CNTN6: variants seen among roughly 807,000 people sequenced by gnomAD.
The protein encoded by CNTN6 is contactin-6.
A neutral mutation model predicts 122.8 loss-of-function variants in CNTN6; 137 were observed. That is an observed-to-expected ratio of 1.12 (90% CI 0.97 to 1.29). CNTN6 has a LOEUF of 1.29. CNTN6 is among the 50% of genes most tolerant of loss of function. The pLI is 0.00. For synonymous variants in CNTN6, 570 were observed against 426.0 expected (o/e 1.34, Z -4.16); for missense variants, 1,634 against 1,223.4 (o/e 1.34, Z -5.01).
intron 2 of CNTN6, among the ~76,000 whole-genome samples, chr3:1,194,882 T>C (rs1319465447): frequency 6.6e-6 from 1 of 152,086 alleles, no homozygotes; most frequent in Admixed American, 6.6e-5. Context: ...TCTGTACTTT[T>C]GATGCTTTGA....
At chr3:1,227,749 CAT>C (rs2094302396) in intron 3 of CNTN6, 67 bp from the exon 4 acceptor site, 1 of 1,485,854 alleles carries the variant, frequency 6.7e-7, no homozygotes, top group Admixed American at 1.9e-5. Flanking sequence ...ATTAGAACTA[CAT>C]GTTTTTTAAG....
intron 2 of CNTN6, among the ~76,000 whole-genome samples, chr3:1,153,143 C>A (rs572003013): frequency 3.3e-5 from 5 of 152,194 alleles, no homozygotes; most frequent in Admixed American, 1.3e-4. Context: ...TATGAAATTA[C>A]GGACTGAATA....
intron 1 of CNTN6, among the ~76,000 whole-genome samples, chr3:1,142,010 G>C (rs1240029049): frequency 6.6e-6 from 1 of 152,024 alleles, no homozygotes; most frequent in Non-Finnish European, 1.5e-5. Context: ...CTCTGTTTAG[G>C]ATAACTCTCA....
At chr3:1,158,484 G>A (rs2093027437) in intron 2 of CNTN6, among the ~76,000 whole-genome samples, 1 of 151,950 alleles carries the variant, frequency 6.6e-6, no homozygotes, top group Admixed American at 6.6e-5. Context: ...TCTGTTGGTT[G>A]TCTCTTCACT....
intron 4 of CNTN6, among the ~76,000 whole-genome samples, chr3:1,235,503 T>C (rs896659433): frequency 2.0e-5 from 3 of 151,834 alleles, no homozygotes; most frequent in Non-Finnish European, 2.9e-5. Flanking sequence ...GTGTATATAA[T>C]TATCTGAATT....
intron 19 of CNTN6, among the ~76,000 whole-genome samples, chr3:1,384,912 T>G (rs1218015503): frequency 6.6e-6 from 1 of 151,344 alleles, no homozygotes; most frequent in African/African-American, 2.4e-5. Context: ...ATGCCTTACC[T>G]CTTATCTGAA....
chr3:1,259,616 CAG>C (rs34013633), intron 4 of CNTN6, among the ~76,000 whole-genome samples: 20,421 of 151,926 alleles, frequency 0.13, 1,602 homozygotes, highest in African/African-American at 0.22. Context: ...GAGATGAAAA[CAG>C]ACAGGGATGT....
chr3:1,205,077 T>C (rs1382123253), intron 2 of CNTN6, among the ~76,000 whole-genome samples: 1 of 152,076 alleles, frequency 6.6e-6, no homozygotes, highest in Non-Finnish European at 1.5e-5. Context: ...TATGGAGGAA[T>C]AGTAGAGTAA....
At chr3:1,369,381 GT>G (rs5846111) in intron 12 of CNTN6, among the ~76,000 whole-genome samples, 56,186 of 137,324 alleles carry the variant, frequency 0.41, 11,237 homozygotes, top group East Asian at 0.59. Context: ...CTTGCTGCGG[GT>G]TTTTTTTTTT....
rs117963187 is a variant in CNTN6 at position 1,207,050 on chromosome 3, G to C, written c.56-13637G>C. 1.4e-3 allele frequency among the ~76,000 whole-genome samples: 213 copies of C among 152,180 alleles called. 3 individuals are homozygous for C. In the East Asian group the frequency reaches 0.036, roughly 26 times the overall value. On this transcript the variant is annotated intron_variant, in intron 2 of 22. Transcript: ENST00000446702. ...TGATCTTCAAATGCATATACCTTCA[G>C]TTCATAATTATCTCCAGAACTCCAG...
intron 1 of CNTN6, among the ~76,000 whole-genome samples, chr3:1,115,357 C>T (rs2091672684): frequency 6.6e-6 from 1 of 152,176 alleles, no homozygotes; most frequent in South Asian, 2.1e-4. Context: ...TAAGTAATTA[C>T]TGGCATTATG....
At chr3:1,387,673 G>A (rs1329776785) in intron 20 of CNTN6, among the ~76,000 whole-genome samples, 3 of 152,206 alleles carry the variant, frequency 2.0e-5, no homozygotes. Context: ...ACTAGGGGGT[G>A]CCAGACAGTG....
At chr3:1,322,523 C>G (rs1438419744) in intron 8 of CNTN6, among the ~76,000 whole-genome samples, 2 of 151,622 alleles carry the variant, frequency 1.3e-5, no homozygotes, top group Non-Finnish European at 2.9e-5. Flanking sequence ...CTTTGATAAA[C>G]TTAATGTATC....
Position 1,402,494 on chromosome 3 carries a change from G to A in CNTN6, c.2986+8G>A. On this transcript the variant is annotated splice_region_variant and intron_variant, in intron 22 of 22. Transcript: ENST00000446702. ...GGATTCCAAAAATGTCAAGTAAGTTGAGTCACCATTGCTGTAGTAGATTCT... is the reference window on the plus strand; with the variant it reads ...GGATTCCAAAAATGTCAAGTAAGTTAAGTCACCATTGCTGTAGTAGATTCT... 2 of 1,602,928 alleles carry A rather than the reference G, an allele frequency of 1.2e-6. No homozygotes were observed. The highest frequency in any genetic ancestry group is 1.1e-5 in the South Asian group (1 of 90,110).
rs535940544 is a variant in CNTN6, at chr3:1,231,283, G to A, written c.358+3290G>A. 2.0e-5 allele frequency among the ~76,000 whole-genome samples: 3 copies of A among 152,272 alleles called. No homozygotes were observed. The South Asian group carries it at 6.2e-4, about 32-fold the overall frequency. The stretch of plus-strand genomic sequence containing the variant: ...AGCCCCACTCCCATGAACTCCCATA[G>A]ATAAGAACAAGCTATGCATCAGAAT... On this transcript the variant is annotated intron_variant, in intron 4 of 22. Coordinates refer to ENST00000446702, the MANE Select transcript of CNTN6 (RefSeq NM_001289080.2).
intron 3 of CNTN6, among the ~76,000 whole-genome samples, chr3:1,227,407 C>T (rs77821001): frequency 0.011 from 1,733 of 152,214 alleles, 32 homozygotes; most frequent in Middle Eastern, 0.037. Context: ...TTTCAATATA[C>T]GCTTCTTGAA....
chr3:1,283,875 C>G (rs1360073582), intron 5 of CNTN6, among the ~76,000 whole-genome samples: 1 of 152,146 alleles, frequency 6.6e-6, no homozygotes, highest in Non-Finnish European at 1.5e-5. Flanking sequence ...TGGCAGGCGC[C>G]TGTAATCCCA....
At chr3:1,342,248 G>A (rs1162416136) in intron 11 of CNTN6, among the ~76,000 whole-genome samples, 1 of 152,016 alleles carries the variant, frequency 6.6e-6, no homozygotes, top group Admixed American at 6.6e-5. Context: ...TTATTCATCA[G>A]CCTCTGGAAT....
intron 4 of CNTN6, among the ~76,000 whole-genome samples, chr3:1,247,027 C>A (rs2094591805): frequency 6.6e-6 from 1 of 151,230 alleles, no homozygotes; most frequent in South Asian, 2.1e-4. Flanking sequence ...TAACATAGTT[C>A]AATCTATTGG....
Sources: gnomAD v4.1 joint callset for allele counts (sites outside exome capture counted in the v4.1 genomes callset) on GRCh38, gnomAD v4.1.1 for gene constraint, MANE v1.5 for transcripts, NCBI Gene and HGNC (gene_info 2026-07-23, HGNC 2026-07-21) for gene names.